GRIN2B: variants seen among roughly 807,000 people sequenced by gnomAD.
The protein encoded by GRIN2B is glutamate receptor ionotropic, NMDA 2B.
A neutral mutation model predicts 114.5 loss-of-function variants in GRIN2B; 5 were observed. The ratio of observed to expected loss-of-function variants is 0.04; its 90% CI spans 0.02 to 0.09. GRIN2B has a LOEUF of 0.09. Among genes scored for constraint, GRIN2B ranks in the 10% least tolerant of loss-of-function variants. GRIN2B has a pLI of 1.00. For missense variants in GRIN2B, 1,108 were observed against 1,943.5 expected (o/e 0.57, Z 8.08); for synonymous variants, 787 against 745.1 (o/e 1.06, Z -0.92).
chr12:13,557,517 G>A lies in GRIN2B; in HGVS notation c.*5266C>T, dbSNP rs1183722214. On this transcript the variant is annotated 3_prime_UTR_variant, in exon 14 of 14. Transcript: ENST00000609686. Reference sequence around the variant, plus strand: ...TGCCTACTCAGTAACATGTAATGGAGGAGAAGCATCACTCTTCTATTTTCT... The same window carrying A: ...TGCCTACTCAGTAACATGTAATGGAAGAGAAGCATCACTCTTCTATTTTCT... The A allele has an allele frequency of 6.6e-6, 1 of 152,148 alleles. No individual in the cohort carries two copies. Among genetic ancestry groups the A allele is most frequent in the Non-Finnish European group, 1.5e-5 (1 of 68,020 alleles). 9.4% of individuals were successfully genotyped at this position (152,148 alleles called of 1,614,324 possible).
chr12:13,776,111 A>T (rs1358061855), intron 3 of GRIN2B, among the ~76,000 whole-genome samples: 2 of 152,232 alleles, frequency 1.3e-5, no homozygotes, highest in African/African-American at 4.8e-5. Context: ...AAGGAATGAG[A>T]TCATGTTCTT....
In GRIN2B at chr12:13,564,384, GGTT is replaced by G. The variant is rs2136406017; in HGVS notation, c.2851_2853del (p.Asn951del). Reference sequence around the variant, plus strand: ...CTGAAGAGGTTCTCCTCACAGGGCGGGTTGTTGTAGGATTTGCAGTCAGAATGC... The same window carrying G: ...CTGAAGAGGTTCTCCTCACAGGGCGGGTTGTAGGATTTGCAGTCAGAATGC... On this transcript the variant is annotated inframe_deletion, in exon 14 of 14. Coordinates refer to ENST00000609686, the MANE Select transcript of GRIN2B (RefSeq NM_000834.5). This position sits in a 1 kb window ranked among gnomAD's most constrained non-coding sequence, Gnocchi z 4.8. 6.2e-7 allele frequency: 1 copy of G among 1,614,234 alleles called. No homozygotes were observed. The highest frequency in any genetic ancestry group is 8.5e-7 in the Non-Finnish European group (1 of 1,180,042).
intron 4 of GRIN2B, among the ~76,000 whole-genome samples, chr12:13,718,083 C>T (rs1052928362): frequency 1.3e-5 from 2 of 152,036 alleles, no homozygotes; most frequent in Non-Finnish European, 2.9e-5. Context: ...CTTTGCCTCT[C>T]ACAGACATGA....
intron 10 of GRIN2B, among the ~76,000 whole-genome samples, chr12:13,583,247 T>C (rs1385112522): frequency 6.6e-6 from 1 of 152,186 alleles, no homozygotes; most frequent in Non-Finnish European, 1.5e-5. Flanking sequence ...ATAATGATGA[T>C]GATAATTATA....
At chr12:13,692,482 T>A (rs1487527762) in intron 4 of GRIN2B, among the ~76,000 whole-genome samples, 1 of 152,126 alleles carries the variant, frequency 6.6e-6, no homozygotes, top group Non-Finnish European at 1.5e-5. Context: ...CTGTGTGGAG[T>A]TTGCACATTT....
intron 5 of GRIN2B, among the ~76,000 whole-genome samples, chr12:13,646,258 T>G (rs1393275524): frequency 6.6e-6 from 1 of 152,186 alleles, no homozygotes; most frequent in Non-Finnish European, 1.5e-5. Flanking sequence ...AGCTTTTCTT[T>G]TATTACCCAT....
intron 5 of GRIN2B, among the ~76,000 whole-genome samples, chr12:13,654,586 G>A (rs1949845173): frequency 6.6e-6 from 1 of 152,140 alleles, no homozygotes; most frequent in South Asian, 2.1e-4. Flanking sequence ...ACTGCTGGCT[G>A]CCAATGCGTC....
chr12:13,774,119 G>A (rs553697495), intron 3 of GRIN2B, among the ~76,000 whole-genome samples: 1 of 152,278 alleles, frequency 6.6e-6, no homozygotes, highest in African/African-American at 2.4e-5. Context: ...GAGAACTTCA[G>A]AAGGGAAAAC....
chr12:13,952,674 T>C (rs950684497), intron 2 of GRIN2B, among the ~76,000 whole-genome samples: 5 of 152,072 alleles, frequency 3.3e-5, no homozygotes, highest in Non-Finnish European at 7.4e-5. Flanking sequence ...GGCCATGTAT[T>C]TAAGGTATAT....
chr12:13,545,711 G>C lies in GRIN2B; in HGVS notation c.*17072C>G, dbSNP rs1268669778. ...ATAGGTAAGAAAAAAGTTACTCCGA[G>C]TTTCATTAATCTATGGCACTTTGTC... On this transcript the variant is annotated 3_prime_UTR_variant, in exon 14 of 14. Transcript: ENST00000609686. 6.6e-6 allele frequency: 1 copy of C among 152,174 alleles called. No homozygotes were observed. Among genetic ancestry groups the C allele is most frequent in the African/African-American group, 2.4e-5 (1 of 41,442 alleles). 9.4% of individuals were successfully genotyped at this position (152,174 alleles called of 1,614,324 possible).
At chr12:13,889,307 A>G (rs928258680) in intron 2 of GRIN2B, among the ~76,000 whole-genome samples, 1 of 152,224 alleles carries the variant, frequency 6.6e-6, no homozygotes, top group Non-Finnish European at 1.5e-5. Context: ...AAACATCATT[A>G]TGCAGCAGCA....
chr12:13,805,684 T>G (rs1385636971), intron 3 of GRIN2B, among the ~76,000 whole-genome samples: 1 of 152,206 alleles, frequency 6.6e-6, no homozygotes, highest in Non-Finnish European at 1.5e-5. Context: ...GTGGAATGTC[T>G]AAATCAAGCT....
chr12:13,590,815 G>A lies in GRIN2B; in HGVS notation c.2010+17788C>T, dbSNP rs186278124. Among the ~76,000 whole-genome samples, 8 of 152,274 alleles carry A rather than the reference G, an allele frequency of 5.3e-5. No individual in the cohort carries two copies. In the East Asian group the frequency reaches 1.4e-3, roughly 26 times the overall value. On this transcript the variant is annotated intron_variant, in intron 10 of 13. Transcript: ENST00000609686. ...AGTTTTATAATTTGCCCACTCCTGTGAGAAACCATTTCCTTGGGGTAGAGC... is the reference window on the plus strand; with the variant it reads ...AGTTTTATAATTTGCCCACTCCTGTAAGAAACCATTTCCTTGGGGTAGAGC...
At chr12:13,890,480 C>G (rs1006947428) in intron 2 of GRIN2B, among the ~76,000 whole-genome samples, 2 of 152,156 alleles carry the variant, frequency 1.3e-5, no homozygotes, top group Non-Finnish European at 1.5e-5. Flanking sequence ...CACCACTACC[C>G]CATGCGCCCA....
intron 3 of GRIN2B, among the ~76,000 whole-genome samples, chr12:13,811,824 G>A (rs11055628): frequency 0.2 from 30,042 of 152,078 alleles, 3,294 homozygotes; most frequent in Non-Finnish European, 0.24. Context: ...AATTAGGCAC[G>A]GAGATCTTCT....
At chr12:13,764,101 G>A (rs945843494) in intron 3 of GRIN2B, among the ~76,000 whole-genome samples, 1 of 142,516 alleles carries the variant, frequency 7.0e-6, no homozygotes, top group African/African-American at 2.6e-5. Flanking sequence ...GATACAGGGA[G>A]AAACACACGA....
At chr12:13,910,506 T>C (rs1866611517) in intron 2 of GRIN2B, among the ~76,000 whole-genome samples, 1 of 152,212 alleles carries the variant, frequency 6.6e-6, no homozygotes, top group South Asian at 2.1e-4. Flanking sequence ...TAGCTAATCC[T>C]TTGACGCAAG....
At chr12:13,642,823 A>G (rs140631890) in intron 5 of GRIN2B, among the ~76,000 whole-genome samples, 1 of 152,276 alleles carries the variant, frequency 6.6e-6, no homozygotes, top group Non-Finnish European at 1.5e-5. Flanking sequence ...TGAAGCCCAG[A>G]CTGGTTTAGT....
intron 2 of GRIN2B, among the ~76,000 whole-genome samples, chr12:13,900,201 C>T (rs1236952581): frequency 2.6e-5 from 4 of 152,090 alleles, no homozygotes; most frequent in Admixed American, 1.3e-4. Context: ...AGGCCGGGCA[C>T]GGTGGCTCAT....
Sources: gnomAD v4.1 joint callset for allele counts (sites outside exome capture counted in the v4.1 genomes callset) on GRCh38, gnomAD v4.1.1 for gene constraint, Gnocchi (gnomAD v3.1) non-coding constraint, MANE v1.5 for transcripts, NCBI Gene and HGNC (gene_info 2026-07-23, HGNC 2026-07-21) for gene names.